Variants in FARS2 observed in about 807,000 individuals in gnomAD.
The protein encoded by FARS2 is phenylalanyl-tRNA synthetase 2, mitochondrial.
In FARS2, 40 loss-of-function variants were observed where a neutral mutation model predicts 46.4. That is an observed-to-expected ratio of 0.86 (90% CI 0.67 to 1.12). FARS2 has a LOEUF of 1.12. Ranked by LOEUF, FARS2 falls within the 50% of genes most tolerant of loss-of-function variation. The pLI is 0.00. For missense variants in FARS2, 513 were observed against 567.9 expected (o/e 0.90, Z 0.98); for synonymous variants, 234 against 214.9 (o/e 1.09, Z -0.78).
intron 1 of FARS2, among the ~76,000 whole-genome samples, chr6:5,272,182 C>A (rs1210412723): frequency 5.3e-5 from 8 of 152,130 alleles, no homozygotes; most frequent in African/African-American, 1.9e-4. Context: ...ACCACAAGAT[C>A]ACGATTTTCG....
At chr6:5,298,299 C>T (rs1768040049) in intron 1 of FARS2, among the ~76,000 whole-genome samples, 1 of 152,196 alleles carries the variant, frequency 6.6e-6, no homozygotes, top group African/African-American at 2.4e-5. Flanking sequence ...TAGTGGCTTC[C>T]TGGACCCTGC....
At chr6:5,569,317 T>C (rs1210335891) in intron 5 of FARS2, among the ~76,000 whole-genome samples, 2 of 151,668 alleles carry the variant, frequency 1.3e-5, no homozygotes, top group Admixed American at 1.3e-4. Context: ...GCTCTCTGCA[T>C]CCTTGACCAA....
chr6:5,737,770 C>T (rs1273318739), intron 6 of FARS2, among the ~76,000 whole-genome samples: 2 of 152,166 alleles, frequency 1.3e-5, no homozygotes, highest in Non-Finnish European at 2.9e-5. Context: ...ATGTACCCTT[C>T]TTCCGTCTAT....
intron 6 of FARS2, among the ~76,000 whole-genome samples, chr6:5,709,785 G>A (rs1759024533): frequency 6.6e-6 from 1 of 151,896 alleles, no homozygotes; most frequent in Non-Finnish European, 1.5e-5. Context: ...TGATGTAGTG[G>A]AGCTGAAGGA....
At chr6:5,375,744 C>T (rs1344005231) in intron 2 of FARS2, among the ~76,000 whole-genome samples, 1 of 151,980 alleles carries the variant, frequency 6.6e-6, no homozygotes, top group Non-Finnish European at 1.5e-5. Context: ...ATGGATTCTA[C>T]ATTAATTGTT....
intron 6 of FARS2, among the ~76,000 whole-genome samples, chr6:5,635,366 C>T (rs78107881): frequency 0.025 from 3,780 of 152,268 alleles, 150 homozygotes; most frequent in African/African-American, 0.085. Flanking sequence ...TGATAATTTA[C>T]TCCAAACAAT....
At chr6:5,432,326 AAATAT>A (rs1214012105) in intron 4 of FARS2, among the ~76,000 whole-genome samples, 10 of 38,088 alleles carry the variant, frequency 2.6e-4, no homozygotes, top group African/African-American at 6.5e-4. Flanking sequence ...AAAAAAAAAA[AAATAT>A]ATATATATAT....
chr6:5,490,393 T>C (rs1360934064), intron 4 of FARS2, among the ~76,000 whole-genome samples: 1 of 152,230 alleles, frequency 6.6e-6, no homozygotes, highest in African/African-American at 2.4e-5. Context: ...AATGTGTTCA[T>C]TTCTCTTGTT....
intron 6 of FARS2, among the ~76,000 whole-genome samples, chr6:5,653,250 T>G (rs1777453906): frequency 6.6e-6 from 1 of 152,212 alleles, no homozygotes; most frequent in Non-Finnish European, 1.5e-5. Context: ...ATCCTCTTAT[T>G]ATTTTATAGC....
chr6:5,745,174 A>G (rs1022480171), intron 6 of FARS2, among the ~76,000 whole-genome samples: 1 of 152,256 alleles, frequency 6.6e-6, no homozygotes. Context: ...TCTACTTTCT[A>G]TCTCTCATGA....
chr6:5,377,522 T>C (rs1759459283), intron 2 of FARS2, among the ~76,000 whole-genome samples: 1 of 147,742 alleles, frequency 6.8e-6, no homozygotes, highest in African/African-American at 2.6e-5. Flanking sequence ...CCAGATTCTG[T>C]CTCCATTATT....
At chr6:5,720,549 C>G (rs1759820519) in intron 6 of FARS2, among the ~76,000 whole-genome samples, 1 of 152,076 alleles carries the variant, frequency 6.6e-6, no homozygotes, top group Admixed American at 6.6e-5. Flanking sequence ...CCTAGCATGC[C>G]CTAGGCTCTA....
At chr6:5,734,266 A>T (rs1760813287) in intron 6 of FARS2, among the ~76,000 whole-genome samples, 1 of 152,230 alleles carries the variant, frequency 6.6e-6, no homozygotes, top group African/African-American at 2.4e-5. Flanking sequence ...CCAGAGGAGC[A>T]CAAGAGCCTG....
intron 3 of FARS2, among the ~76,000 whole-genome samples, chr6:5,418,915 G>T (rs1172670426): frequency 6.6e-6 from 1 of 151,626 alleles, no homozygotes; most frequent in Non-Finnish European, 1.5e-5. Flanking sequence ...CATATGGAAG[G>T]GTAAAACTGG....
intron 5 of FARS2, among the ~76,000 whole-genome samples, chr6:5,553,127 A>ACCAT (rs1561708203): frequency 6.6e-6 from 1 of 152,188 alleles, no homozygotes. Context: ...GGATGAAATA[A>ACCAT]TTCAGCAATG....
intron 1 of FARS2, among the ~76,000 whole-genome samples, chr6:5,299,254 G>A (rs1292258649): frequency 6.6e-6 from 1 of 152,182 alleles, no homozygotes; most frequent in African/African-American, 2.4e-5. Flanking sequence ...CATTTAGACT[G>A]TCATCTCCTC....
chr6:5,708,852 C>T (rs543847732), intron 6 of FARS2, among the ~76,000 whole-genome samples: 11 of 152,236 alleles, frequency 7.2e-5, no homozygotes, highest in South Asian at 4.2e-4. Context: ...TTTGTAGAGA[C>T]GGGACCTCAC....
intron 6 of FARS2, among the ~76,000 whole-genome samples, chr6:5,648,855 A>C (rs1224417973): frequency 6.6e-6 from 1 of 152,250 alleles, no homozygotes. Context: ...GGGAAGAAGG[A>C]TTTTGTCTCC....
Position 5,702,918 on chromosome 6 carries a change from T to C in FARS2, c.1218-68373T>C, listed in dbSNP as rs536439098. On this transcript the variant is annotated intron_variant, in intron 6 of 6. Coordinates refer to ENST00000274680, the MANE Select transcript of FARS2 (RefSeq NM_006567.5). Reference sequence around the variant, plus strand: ...CCCTGGGATGTCACTGTGTTCACCCTTGGGGACACCAAGAAATTTCATATG... The same window carrying C: ...CCCTGGGATGTCACTGTGTTCACCCCTGGGGACACCAAGAAATTTCATATG... Among the ~76,000 whole-genome samples, 3 of 152,288 alleles carry C rather than the reference T, an allele frequency of 2.0e-5. No individual in the cohort carries two copies. In the East Asian group the frequency reaches 5.8e-4, roughly 29 times the overall value.
Sources: allele counts gnomAD v4.1 joint callset (sites outside exome capture counted in the v4.1 genomes callset), GRCh38; gene constraint gnomAD v4.1.1; transcripts MANE v1.5; gene names NCBI Gene and HGNC (gene_info 2026-07-23, HGNC 2026-07-21).